CD247: variants seen among roughly 807,000 people sequenced by gnomAD.
CD247 encodes the protein CD247 molecule, also known as T-cell surface glycoprotein CD3 zeta chain.
CD247 carries 13 observed loss-of-function variants against 30.0 expected under a neutral mutation model. The observed-to-expected ratio is 0.43, with a 90% CI of 0.28 to 0.69. CD247 has a LOEUF of 0.69. Among genes scored for constraint, CD247 ranks in the 30% least tolerant of loss-of-function variants. CD247 has a pLI of 0.16. For synonymous variants in CD247, 72 were observed against 80.0 expected, an observed-to-expected ratio of 0.90 and a Z score of 0.53; for missense variants, 193 against 212.6, an observed-to-expected ratio of 0.91 and a Z score of 0.57.
intron 1 of CD247, among the ~76,000 whole-genome samples, chr1:167,450,451 G>A (rs1475645274): frequency 1.3e-5 from 2 of 152,052 alleles, no homozygotes; most frequent in Non-Finnish European, 2.9e-5. Flanking sequence ...CCCTGACCGT[G>A]TCACTGCACT....
At chr1:167,517,075 C>T (rs1353724695) in intron 1 of CD247, among the ~76,000 whole-genome samples, 1 of 152,224 alleles carries the variant, frequency 6.6e-6, no homozygotes, top group African/African-American at 2.4e-5. Context: ...TCTGGGTCCC[C>T]TTGTCCCCAG....
At chr1:167,443,582 T>G (rs1237236) in intron 1 of CD247, among the ~76,000 whole-genome samples, 149,266 of 152,310 alleles carry the variant, frequency 0.98, 73,200 homozygotes, top group Middle Eastern at 1. Context: ...CACAGAAAAT[T>G]AGAACAGAAA....
chr1:167,479,782 G>C (rs995027956), intron 1 of CD247, among the ~76,000 whole-genome samples: 11 of 152,188 alleles, frequency 7.2e-5, no homozygotes, highest in Non-Finnish European at 1.2e-4. Flanking sequence ...CCTCCTGCCA[G>C]TCCACATTCT....
In CD247 at chr1:167,435,418, G is replaced by C. The variant is rs751583971; in HGVS notation, c.317C>G (p.Pro106Arg). 6.2e-7 allele frequency: 1 copy of C among 1,612,820 alleles called. No homozygotes were observed. ...ACTCACATTGTACAGGCCTTCCTGA[G>C]GGTTCTTCCTTCTCTGCTAGGAAAG... Reference protein sequence around the residue: ...MGGKPQRRKNPQEGLYNELQK... With the variant: ...MGGKPQRRKNRQEGLYNELQK... The change falls in exon 5 of 8, where the codon CCT (proline) becomes CGT (arginine). Residue 106 changes from proline to arginine, a missense_variant. Transcript: ENST00000362089.
chr1:167,451,045 T>C (rs1447974211), intron 1 of CD247, among the ~76,000 whole-genome samples: 1 of 151,842 alleles, frequency 6.6e-6, no homozygotes, highest in Non-Finnish European at 1.5e-5. Flanking sequence ...TGCAGATCTG[T>C]CAGGGAAGGG....
chr1:167,507,555 G>GC (rs34402700), intron 1 of CD247, among the ~76,000 whole-genome samples: 62,990 of 151,900 alleles, frequency 0.41, 14,134 homozygotes, highest in East Asian at 0.62. Flanking sequence ...CTCTAAATAG[G>GC]CAGCGTGGTG....
intron 2 of CD247, 107 bp downstream of exon 2, chr1:167,440,557 A>G (rs1390836124): frequency 2.7e-6 from 2 of 751,382 alleles, no homozygotes; most frequent in Non-Finnish European, 4.7e-6. Flanking sequence ...CTGGATACCA[A>G]GCCCCAGGCA....
intron 1 of CD247, among the ~76,000 whole-genome samples, chr1:167,482,037 G>A (rs987221286): frequency 4.6e-5 from 7 of 152,132 alleles, no homozygotes; most frequent in African/African-American, 1.7e-4. Context: ...AGACTTCTGG[G>A]GACCTTTCTT....
intron 1 of CD247, among the ~76,000 whole-genome samples, chr1:167,467,404 C>T (rs1198472632): frequency 6.6e-6 from 1 of 152,238 alleles, no homozygotes; most frequent in African/African-American, 2.4e-5. Flanking sequence ...TCCAAGGACA[C>T]AAATTCCAAA....
chr1:167,459,468 T>G (rs979283833), intron 1 of CD247: 2 of 147,788 alleles, frequency 1.4e-5, no homozygotes, highest in Non-Finnish European at 1.5e-5. Flanking sequence ...TTTTCCTGCC[T>G]CAGCCTCCTG....
intron 1 of CD247, among the ~76,000 whole-genome samples, chr1:167,468,846 C>T (rs138625307): frequency 3.5e-3 from 538 of 152,182 alleles, no homozygotes; most frequent in African/African-American, 8.5e-3. Context: ...TGAGATGCTC[C>T]ACCCGGCTGA....
At chr1:167,434,754 G>C (rs2101987464) in intron 5 of CD247, 2 of 454,360 alleles carry the variant, frequency 4.4e-6, no homozygotes, top group East Asian at 7.0e-5. Context: ...TTTGGGGAGG[G>C]AAGGGAGATT....
intron 1 of CD247, among the ~76,000 whole-genome samples, chr1:167,495,225 C>T (rs1316667502): frequency 6.6e-6 from 1 of 152,228 alleles, no homozygotes; most frequent in Non-Finnish European, 1.5e-5. Context: ...CGATATGTTA[C>T]ATAACCTCTC....
At chr1:167,466,573 G>A (rs1218374386) in intron 1 of CD247, among the ~76,000 whole-genome samples, 1 of 152,070 alleles carries the variant, frequency 6.6e-6, no homozygotes, top group Non-Finnish European at 1.5e-5. Flanking sequence ...ATTTAATCCA[G>A]TTTCATTTAT....
At chr1:167,459,802 T>C (rs1263338911) in intron 1 of CD247, 1 of 152,226 alleles carries the variant, frequency 6.6e-6, no homozygotes. Context: ...TGGTAATATT[T>C]CTAACTTTTC....
chr1:167,464,566 T>C (rs558327888), intron 1 of CD247, among the ~76,000 whole-genome samples: 2 of 152,342 alleles, frequency 1.3e-5, no homozygotes, highest in African/African-American at 4.8e-5. Context: ...ACAAGGATGC[T>C]GGCTCCCAAA....
intron 1 of CD247, among the ~76,000 whole-genome samples, chr1:167,490,005 G>GCC (rs201424514): frequency 6.6e-6 from 1 of 151,716 alleles, no homozygotes. Context: ...AGCTGCCTGT[G>GCC]CCCCCCCACC....
intron 1 of CD247, chr1:167,448,325 C>G: frequency 1.5e-5 from 15 of 984,256 alleles, no homozygotes; most frequent in Non-Finnish European, 1.8e-5. Flanking sequence ...CAGGTCTTAA[C>G]CACCACTTGG....
intron 1 of CD247, chr1:167,448,581 C>G (rs1033281960): frequency 9.5e-6 from 9 of 949,576 alleles, no homozygotes; most frequent in Non-Finnish European, 1.1e-5. Flanking sequence ...CTGGAGATAC[C>G]TCAATCACCC....
Sources: gnomAD v4.1 joint callset for allele counts (sites outside exome capture counted in the v4.1 genomes callset) on GRCh38, gnomAD v4.1.1 for gene constraint, MANE v1.5 for transcripts, NCBI Gene and HGNC (gene_info 2026-07-23, HGNC 2026-07-21) for gene names.